Variants in MAP2K4 observed in about 807,000 individuals in gnomAD.
MAP2K4 encodes the protein mitogen-activated protein kinase kinase 4.
Under a neutral mutation model 48.5 loss-of-function variants are expected in MAP2K4, and 4 were observed. The observed-to-expected ratio is 0.08, with a 90% confidence interval of 0.04 to 0.19. The LOEUF is 0.19. Among genes scored for constraint, MAP2K4 ranks in the 10% least tolerant of loss-of-function variants. The pLI, the probability that MAP2K4 is intolerant of heterozygous loss-of-function variation, is 1.00. For synonymous variants in MAP2K4, 166 were observed against 173.1 expected, an observed-to-expected ratio of 0.96 and a Z score of 0.32; for missense variants, 258 against 493.3, an observed-to-expected ratio of 0.52 and a Z score of 4.52.
intron 7 of MAP2K4, among the ~76,000 whole-genome samples, chr17:12,114,387 G>GGTGTGTGT (rs61666948): frequency 1.1e-3 from 171 of 149,264 alleles, no homozygotes; most frequent in Non-Finnish European, 1.8e-3. Context: ...ATGTAAAAGC[G>GGTGTGTGT]GTGTGTGTGT....
At chr17:12,137,785 G>A (rs1357703144) in intron 9 of MAP2K4, among the ~76,000 whole-genome samples, 3 of 151,606 alleles carry the variant, frequency 2.0e-5, no homozygotes, top group African/African-American at 7.3e-5. Flanking sequence ...GATAAACAAA[G>A]GTATAAGCTT....
chr17:12,090,378 CT>C (rs1325332356), intron 3 of MAP2K4, among the ~76,000 whole-genome samples: 1 of 152,120 alleles, frequency 6.6e-6, no homozygotes, highest in Non-Finnish European at 1.5e-5. Context: ...TTTGAGCACC[CT>C]AACATGGAGA....
intron 9 of MAP2K4, among the ~76,000 whole-genome samples, chr17:12,138,432 CATA>C (rs1973273725): frequency 6.6e-6 from 1 of 151,750 alleles, no homozygotes; most frequent in East Asian, 1.9e-4. Flanking sequence ...TTAAGAAAAT[CATA>C]AGGAAGAGAA....
Position 12,143,070 on chromosome 17 carries a change from A to G in MAP2K4, c.*1810A>G, listed in dbSNP as rs539873890. 60 of 233,070 alleles carry G rather than the reference A, an allele frequency of 2.6e-4. No individual in the cohort carries two copies. Among genetic ancestry groups the G allele is most frequent in the African/African-American group, 1.2e-3 (54 of 45,436 alleles). 14.4% of individuals were successfully genotyped at this position (233,070 alleles called of 1,614,324 possible). A position where few individuals can be genotyped will look rare whatever the true frequency, so the allele number is the denominator to read the frequency against. On this transcript the variant is annotated 3_prime_UTR_variant, in exon 11 of 11. Coordinates refer to ENST00000353533, the MANE Select transcript of MAP2K4 (RefSeq NM_003010.4). ...TTTGATCTACTTGCCTCATTTCCCT[A>G]TCTTCTCCCCCACGGTATCCTAAAC...
chr17:12,022,281 A>G (rs1028863885), intron 1 of MAP2K4, among the ~76,000 whole-genome samples: 1 of 152,220 alleles, frequency 6.6e-6, no homozygotes, highest in Non-Finnish European at 1.5e-5. Context: ...CATAAAAACC[A>G]GTGATAGATA....
intron 1 of MAP2K4, among the ~76,000 whole-genome samples, chr17:12,042,167 C>CAAAAAAAAA: frequency 1.8e-5 from 1 of 55,384 alleles, no homozygotes; most frequent in Non-Finnish European, 3.2e-5. Context: ...AACTTTGTCT[C>CAAAAAAAAA]AAAAAAAAAA....
chr17:12,114,031 T>C (rs1972397569), intron 7 of MAP2K4, among the ~76,000 whole-genome samples: 1 of 152,206 alleles, frequency 6.6e-6, no homozygotes, highest in Non-Finnish European at 1.5e-5. Flanking sequence ...CCATGGTTCT[T>C]TGGGGACCAG....
In MAP2K4 at chr17:12,133,328, C is replaced by T. The variant is rs186063474; in HGVS notation, c.1040+4041C>T. Among the ~76,000 whole-genome samples, 10 of 152,270 alleles carry T rather than the reference C, an allele frequency of 6.6e-5. No individual in the cohort carries two copies. In the East Asian group the frequency reaches 9.7e-4, roughly 15 times the overall value. The stretch of plus-strand genomic sequence containing the variant: ...AACTGCTGACCTCAAGTAATCCGCC[C>T]GCTTCAGCCTCCCAGAGTGCTGGGA... On this transcript the variant is annotated intron_variant, in intron 9 of 10. Transcript: ENST00000353533.
At chr17:12,127,944 C>T (rs1367580011) in intron 8 of MAP2K4, among the ~76,000 whole-genome samples, 1 of 152,196 alleles carries the variant, frequency 6.6e-6, no homozygotes, top group African/African-American at 2.4e-5. Flanking sequence ...TTCCTGTATG[C>T]CATCTTCCTC....
intron 1 of MAP2K4, among the ~76,000 whole-genome samples, chr17:12,028,696 A>C (rs937577481): frequency 1.5e-4 from 23 of 152,192 alleles, no homozygotes; most frequent in Non-Finnish European, 1.2e-4. Flanking sequence ...GTGTGGGTTC[A>C]TATTGTAGTT....
At chr17:12,039,812 T>C (rs1473387700) in intron 1 of MAP2K4, among the ~76,000 whole-genome samples, 1 of 152,230 alleles carries the variant, frequency 6.6e-6, no homozygotes, top group Non-Finnish European at 1.5e-5. Context: ...TAATTCCCTC[T>C]TCTCTCTTTT....
chr17:12,137,562 G>A (rs550954500), intron 9 of MAP2K4, among the ~76,000 whole-genome samples: 2 of 152,252 alleles, frequency 1.3e-5, no homozygotes, highest in African/African-American at 2.4e-5. Context: ...GAGCTGAGAC[G>A]TTCCCCCAGC....
intron 2 of MAP2K4, chr17:12,069,782 A>G: frequency 1.1e-6 from 1 of 878,010 alleles, no homozygotes; most frequent in Non-Finnish European, 1.6e-6. Flanking sequence ...AGAAGGATGC[A>G]TAAAGCAGTA....
intron 3 of MAP2K4, among the ~76,000 whole-genome samples, chr17:12,090,263 AGTT>A (rs1271629676): frequency 6.6e-6 from 1 of 152,222 alleles, no homozygotes; most frequent in Non-Finnish European, 1.5e-5. Flanking sequence ...GAGAATCAGT[AGTT>A]GTCACATCAG....
chr17:12,059,570 G>A (rs1970386337), intron 2 of MAP2K4, among the ~76,000 whole-genome samples: 1 of 152,136 alleles, frequency 6.6e-6, no homozygotes, highest in South Asian at 2.1e-4. Context: ...AATAAATAGT[G>A]GTGGATGCAG....
chr17:12,064,946 G>A (rs1331902271), intron 2 of MAP2K4, among the ~76,000 whole-genome samples: 1 of 152,170 alleles, frequency 6.6e-6, no homozygotes, highest in African/African-American at 2.4e-5. Context: ...AGCAGAAGAA[G>A]CGAGACACAA....
intron 3 of MAP2K4, among the ~76,000 whole-genome samples, chr17:12,083,184 T>G (rs1156476769): frequency 6.6e-6 from 1 of 152,252 alleles, no homozygotes; most frequent in Non-Finnish European, 1.5e-5. Context: ...TGGATTGATT[T>G]TAGCCATTGT....
chr17:12,033,273 A>G (rs1969494989), intron 1 of MAP2K4, among the ~76,000 whole-genome samples: 1 of 152,176 alleles, frequency 6.6e-6, no homozygotes. Context: ...TCTGCTTTTT[A>G]TTCATGAACT....
intron 6 of MAP2K4, chr17:12,112,960 A>C (rs1233444435): frequency 9.2e-6 from 2 of 217,254 alleles, no homozygotes; most frequent in African/African-American, 4.5e-5. Flanking sequence ...ATGTTAAGAG[A>C]AAAATCAATC....
Sources: allele counts gnomAD v4.1 joint callset (sites outside exome capture counted in the v4.1 genomes callset), GRCh38; gene constraint gnomAD v4.1.1; transcripts MANE v1.5; gene names NCBI Gene and HGNC (gene_info 2026-07-23, HGNC 2026-07-21).